PRKG1: variants seen among roughly 807,000 people sequenced by gnomAD.
The protein encoded by PRKG1 is protein kinase cGMP-dependent 1, also known as cGMP-dependent protein kinase 1.
PRKG1 carries 35 observed loss-of-function variants against 88.1 expected under a neutral mutation model. The observed-to-expected ratio is 0.40, with a 90% CI of 0.30 to 0.53. PRKG1 has a LOEUF of 0.53. Ranked by LOEUF, PRKG1 falls within the 20% of genes least tolerant of loss-of-function variation. The pLI, the probability that PRKG1 is intolerant of heterozygous loss-of-function variation, is 0.59. For synonymous variants in PRKG1, 303 were observed against 292.5 expected (o/e 1.04, Z -0.37); for missense variants, 540 against 839.8 (o/e 0.64, Z 4.41).
At chr10:51,824,790 CAG>C (rs1839842833) in intron 4 of PRKG1, among the ~76,000 whole-genome samples, 1 of 151,924 alleles carries the variant, frequency 6.6e-6, no homozygotes, top group Non-Finnish European at 1.5e-5. Flanking sequence ...CGTGAGTTAA[CAG>C]GGCAAGAACT....
chr10:51,964,452 A>C (rs191245199), intron 5 of PRKG1, among the ~76,000 whole-genome samples: 1 of 152,350 alleles, frequency 6.6e-6, no homozygotes, highest in Non-Finnish European at 1.5e-5. Context: ...TTGAAAGTTC[A>C]GCGTTGATGG....
chr10:51,099,505 G>T (rs2131878710), intron 1 of PRKG1, among the ~76,000 whole-genome samples: 1 of 152,148 alleles, frequency 6.6e-6, no homozygotes, highest in South Asian at 2.1e-4. Context: ...GCTCTCTTGG[G>T]AATCTAACTA....
intron 2 of PRKG1, among the ~76,000 whole-genome samples, chr10:51,186,335 G>A (rs1049341575): frequency 6.6e-6 from 1 of 151,184 alleles, no homozygotes; most frequent in Non-Finnish European, 1.5e-5. Context: ...ATTTCATGGT[G>A]TTTTGGATTC....
intron 3 of PRKG1, among the ~76,000 whole-genome samples, chr10:51,761,452 C>T (rs1838020060): frequency 6.6e-6 from 1 of 152,136 alleles, no homozygotes; most frequent in South Asian, 2.1e-4. Context: ...ACATGGCATC[C>T]TGCTGTCCAA....
At chr10:51,908,695 C>A (rs1204502296) in intron 5 of PRKG1, 1 of 54,788 alleles carries the variant, frequency 1.8e-5, no homozygotes, top group Non-Finnish European at 3.6e-5. Flanking sequence ...GATTGTGACT[C>A]TCTCTCTCTC....
At chr10:51,266,826 G>A (rs879521296) in intron 2 of PRKG1, among the ~76,000 whole-genome samples, 3 of 152,112 alleles carry the variant, frequency 2.0e-5, no homozygotes, top group Non-Finnish European at 2.9e-5. Flanking sequence ...TCTTTAAGAC[G>A]TATTTCTGAG....
chr10:51,606,251 T>C (rs759812507), intron 3 of PRKG1, among the ~76,000 whole-genome samples: 1 of 152,108 alleles, frequency 6.6e-6, no homozygotes, highest in Non-Finnish European at 1.5e-5. Context: ...TCCAGACTAA[T>C]TGGGTAACTA....
At chr10:51,587,058 T>A (rs1838190987) in intron 3 of PRKG1, among the ~76,000 whole-genome samples, 1 of 152,130 alleles carries the variant, frequency 6.6e-6, no homozygotes, top group Non-Finnish European at 1.5e-5. Flanking sequence ...GGTCTCACTG[T>A]GTCCTTTAAT....
intron 3 of PRKG1, among the ~76,000 whole-genome samples, chr10:51,754,753 A>G (rs559344113): frequency 6.6e-6 from 1 of 152,302 alleles, no homozygotes; most frequent in East Asian, 1.9e-4. Context: ...TCTCCCTTCA[A>G]AGTAACTTTT....
chr10:52,166,809 G>GTATATA (rs1329775053), intron 9 of PRKG1, among the ~76,000 whole-genome samples: 996 of 70,192 alleles, frequency 0.014, 54 homozygotes, highest in African/African-American at 0.099. Flanking sequence ...ATATATATAT[G>GTATATA]TATATATATG....
chr10:50,991,462 G>T lies in PRKG1; in HGVS notation c.84G>T (p.Glu28Asp). The change falls in exon 1 of 18, where the codon GAG (glutamate) becomes GAT (aspartate). Residue 28 changes from glutamate to aspartate, a missense_variant. Transcript: ENST00000401604. This position sits in a 1 kb window ranked among gnomAD's most constrained non-coding sequence, Gnocchi z 4.5. ...AAGAGCTGGAGAAGCGGCTGTCAGAGAAGGAGGAAGAAATTCAGGAGCTGA... is the reference window on the plus strand; with the variant it reads ...AAGAGCTGGAGAAGCGGCTGTCAGATAAGGAGGAAGAAATTCAGGAGCTGA... 1.2e-6 allele frequency: 2 copies of T among 1,607,482 alleles called. No homozygotes were observed. Among genetic ancestry groups the T allele is most frequent in the Non-Finnish European group, 1.7e-6 (2 of 1,177,292 alleles).
At chr10:52,224,808 C>T (rs1840341597) in intron 9 of PRKG1, among the ~76,000 whole-genome samples, 3 of 106,398 alleles carry the variant, frequency 2.8e-5, no homozygotes, top group Non-Finnish European at 5.7e-5. Context: ...AGTATTCCAT[C>T]ATATATATAT....
intron 1 of PRKG1, among the ~76,000 whole-genome samples, chr10:51,118,800 T>C (rs1220722115): frequency 6.6e-6 from 1 of 152,168 alleles, no homozygotes; most frequent in African/African-American, 2.4e-5. Flanking sequence ...ATAGCTGTTG[T>C]GCCTATTTAT....
At chr10:51,333,640 T>C (rs1014223069) in intron 2 of PRKG1, among the ~76,000 whole-genome samples, 5 of 152,228 alleles carry the variant, frequency 3.3e-5, no homozygotes, top group African/African-American at 1.2e-4. Flanking sequence ...TATAAAATTA[T>C]TTCAAATATT....
intron 3 of PRKG1, among the ~76,000 whole-genome samples, chr10:51,609,196 A>C (rs1332448782): frequency 1.3e-5 from 2 of 152,066 alleles, no homozygotes; most frequent in African/African-American, 4.8e-5. Context: ...TTTAAAAAAA[A>C]TTTAGTGTAG....
At chr10:51,337,416 C>A (rs888283620) in intron 2 of PRKG1, among the ~76,000 whole-genome samples, 9 of 152,066 alleles carry the variant, frequency 5.9e-5, no homozygotes, top group Non-Finnish European at 1.0e-4. Context: ...CAAATGGGAT[C>A]TAATTAAACT....
At chr10:51,569,604 G>A (rs186627751) in intron 3 of PRKG1, among the ~76,000 whole-genome samples, 42 of 152,066 alleles carry the variant, frequency 2.8e-4, no homozygotes, top group South Asian at 2.3e-3. Context: ...GTTATTTACA[G>A]AGAAGAAAAC....
intron 7 of PRKG1, among the ~76,000 whole-genome samples, chr10:52,064,682 C>T (rs1429896932): frequency 6.6e-6 from 1 of 152,186 alleles, no homozygotes; most frequent in East Asian, 1.9e-4. Flanking sequence ...ACAGGGATGC[C>T]TGGGCCCACA....
intron 5 of PRKG1, among the ~76,000 whole-genome samples, chr10:51,965,215 T>G (rs2447654): frequency 0.49 from 74,121 of 151,848 alleles, 18,723 homozygotes; most frequent in Middle Eastern, 0.55. Context: ...TTATTTTTCC[T>G]GATTCTTTCT....
Sources: gnomAD v4.1 joint callset for allele counts (sites outside exome capture counted in the v4.1 genomes callset) on GRCh38, gnomAD v4.1.1 for gene constraint, Gnocchi (gnomAD v3.1) non-coding constraint, MANE v1.5 for transcripts, NCBI Gene and HGNC (gene_info 2026-07-23, HGNC 2026-07-21) for gene names.